Variants in RPS27L observed in about 807,000 individuals in gnomAD.
RPS27L encodes ribosomal protein eS27-like.
In RPS27L, 10 loss-of-function variants were observed where a neutral mutation model predicts 12.8. The observed-to-expected ratio is 0.78, with a 90% CI of 0.48 to 1.33. RPS27L has a LOEUF of 1.33. Ranked by LOEUF, RPS27L falls within the 40% of genes most tolerant of loss-of-function variation. The pLI is 0.00. For missense variants in RPS27L, 81 were observed against 97.4 expected (o/e 0.83, Z 0.71); for synonymous variants, 26 against 32.3 (o/e 0.81, Z 0.66).
chr15:63,152,911 G>A lies in RPS27L; in HGVS notation c.*1121C>T, dbSNP rs2037309564. ...AGTTGCTCACATTAGAGGCCTACCT[G>A]TTGATAGGAAATGCCTGTTTTAAAT... On this transcript the variant is annotated 3_prime_UTR_variant, in exon 4 of 4. Transcript: ENST00000330964. The A allele has an allele frequency of 6.6e-6, 1 of 152,182 alleles. No individual in the cohort carries two copies. The highest frequency in any genetic ancestry group is 2.1e-4 in the South Asian group (1 of 4,834). The allele number at this position is 152,182 out of a possible 1,614,324, so 9.4% of individuals were successfully genotyped here.
chr15:63,155,101 AC>A (rs1334670439), intron 3 of RPS27L: 1 of 152,112 alleles, frequency 6.6e-6, no homozygotes, highest in Non-Finnish European at 1.5e-5. Flanking sequence ...ATCCTGGCTA[AC>A]ACAGTGAAAC....
chr15:63,155,976 T>C (rs1003065590), intron 2 of RPS27L, among the ~76,000 whole-genome samples: 1 of 152,238 alleles, frequency 6.6e-6, no homozygotes, highest in Non-Finnish European at 1.5e-5. Flanking sequence ...GTATTTTTTT[T>C]CTGTGCTACA....
chr15:63,155,003 G>T (rs1173121294), intron 3 of RPS27L: 1 of 151,954 alleles, frequency 6.6e-6, no homozygotes, highest in Non-Finnish European at 1.5e-5. Flanking sequence ...AAATCTGTAT[G>T]TCCTGGCCGG....
intron 3 of RPS27L, 106 bp from the exon 4 acceptor site, chr15:63,154,166 T>C (rs2037317927): frequency 1.1e-6 from 1 of 878,046 alleles, no homozygotes; most frequent in African/African-American, 1.7e-5. Context: ...TTAAGAATAT[T>C]GGATTAATAC....
chr15:63,156,378 T>A, intron 2 of RPS27L, 35 bp downstream of exon 2: 2 of 1,185,572 alleles, frequency 1.7e-6, no homozygotes, highest in Non-Finnish European at 2.5e-6. Flanking sequence ...TACAGAAATT[T>A]TCTTTAGTAA....
chr15:63,154,350 G>A, intron 3 of RPS27L: 1 of 340,964 alleles, frequency 2.9e-6, no homozygotes, highest in Non-Finnish European at 5.3e-6. Flanking sequence ...CAAGCAAGCT[G>A]TCAGAAGATA....
chr15:63,156,840 A>C, intron 1 of RPS27L: 1 of 522,508 alleles, frequency 1.9e-6, no homozygotes, highest in Admixed American at 3.9e-5. Context: ...TGCTAAGCAA[A>C]GAAAGTGACC....
In RPS27L at chr15:63,152,729, A is replaced by C. The variant is rs2037308477; in HGVS notation, c.*1303T>G. On this transcript the variant is annotated 3_prime_UTR_variant, in exon 4 of 4. Coordinates refer to ENST00000330964, the MANE Select transcript of RPS27L (RefSeq NM_015920.4). ...AGGCTGGTCTTGAACTCCCGACCTC[A>C]GGTGATCCACCTGCCTCAGGCTCCC... 1 of 152,150 alleles carries C rather than the reference A, an allele frequency of 6.6e-6. No individual in the cohort carries two copies. The highest frequency in any genetic ancestry group is 1.5e-5 in the Non-Finnish European group (1 of 68,082). 9.4% of individuals were successfully genotyped at this position (152,150 alleles called of 1,614,324 possible). A position where few individuals can be genotyped will look rare whatever the true frequency, so the allele number is the denominator to read the frequency against.
Position 63,153,760 on chromosome 15 carries a change from T to G in RPS27L, c.*272A>C. The G allele has an allele frequency of 6.1e-6, 2 of 330,238 alleles. No homozygotes were observed. Among genetic ancestry groups the G allele is most frequent in the Admixed American group, 9.5e-5 (2 of 20,982 alleles). 20.5% of individuals were successfully genotyped at this position (330,238 alleles called of 1,614,324 possible). A position where few individuals can be genotyped will look rare whatever the true frequency, so the allele number is the denominator to read the frequency against. On this transcript the variant is annotated 3_prime_UTR_variant, in exon 4 of 4. Coordinates refer to ENST00000330964, the MANE Select transcript of RPS27L (RefSeq NM_015920.4). The stretch of plus-strand genomic sequence containing the variant: ...AAAAAAAGACACAAACTAATCAGAA[T>G]AAATTTTAAAATGTTTAAACCAAAT...
chr15:63,155,397 G>A (rs908847161), intron 3 of RPS27L: 27 of 401,084 alleles, frequency 6.7e-5, no homozygotes, highest in Non-Finnish European at 1.2e-4. Context: ...AGCAAACTAA[G>A]TGAATAAATG....
rs2037303883 is a variant in RPS27L, at chr15:63,152,174, G to C, written c.*1858C>G. On this transcript the variant is annotated 3_prime_UTR_variant, in exon 4 of 4. Coordinates refer to ENST00000330964, the MANE Select transcript of RPS27L (RefSeq NM_015920.4). ...CGTGCCTGAAGTCTCCGCTACTCAG[G>C]AGGCAGAGGTGGGAGGCTTGCTTGA... The C allele has an allele frequency of 6.6e-6, 1 of 152,230 alleles. No homozygotes were observed. The highest frequency in any genetic ancestry group is 2.4e-5 in the African/African-American group (1 of 41,446). 9.4% of individuals were successfully genotyped at this position (152,230 alleles called of 1,614,324 possible). A position where few individuals can be genotyped will look rare whatever the true frequency, so the allele number is the denominator to read the frequency against.
chr15:63,155,458 G>GT, intron 3 of RPS27L, 163 bp downstream of exon 3: 1 of 491,354 alleles, frequency 2.0e-6, no homozygotes, highest in Non-Finnish European at 3.7e-6. Context: ...AAGGTCAAGA[G>GT]TATAAATATA....
rs1297270396 is a variant in RPS27L at position 63,149,566 on chromosome 15, C to CAAAAA, written c.*4461_*4465dup. ...TGGGCGACGGAGCAAGACTCCGTCT[C>CAAAAA]AAAAAAAAAAAAAAAAAAGAAAGAA... On this transcript the variant is annotated 3_prime_UTR_variant, in exon 4 of 4. Coordinates refer to ENST00000330964, the MANE Select transcript of RPS27L (RefSeq NM_015920.4). 1 of 33,230 alleles carries CAAAAA rather than the reference C, an allele frequency of 3.0e-5. No homozygotes were observed. 2.1% of individuals were successfully genotyped at this position (33,230 alleles called of 1,614,324 possible).
chr15:63,154,856 A>C (rs948411325), intron 3 of RPS27L: 1 of 152,114 alleles, frequency 6.6e-6, no homozygotes, highest in African/African-American at 2.4e-5. Context: ...CATAAAAGTA[A>C]AATCTCTGGC....
Position 63,148,514 on chromosome 15 carries a change from G to A in RPS27L, c.*5518C>T, listed in dbSNP as rs2037278918. On this transcript the variant is annotated 3_prime_UTR_variant, in exon 4 of 4. Transcript: ENST00000330964. ...TTTCATAGACACAAAACACTGAGCAGGGCTGAAGCTGAGGGTCTGCCGGGC... is the reference window on the plus strand; with the variant it reads ...TTTCATAGACACAAAACACTGAGCAAGGCTGAAGCTGAGGGTCTGCCGGGC... 1 of 152,212 alleles carries A rather than the reference G, an allele frequency of 6.6e-6. No homozygotes were observed. Among genetic ancestry groups the A allele is most frequent in the Non-Finnish European group, 1.5e-5 (1 of 68,038 alleles). 9.4% of individuals were successfully genotyped at this position (152,212 alleles called of 1,614,324 possible).
At position 63,156,961 on chromosome 15, in the gene RPS27L, CT is replaced by C. The variant is rs1485122763; in HGVS notation, c.6+438del. On this transcript the variant is annotated intron_variant, in intron 1 of 3. Coordinates refer to ENST00000330964, the MANE Select transcript of RPS27L (RefSeq NM_015920.4). ...ACAGCTGATCTGACAGGAATTCTTGCTGAGCGACCGTCCTTGACGGAATTAA... is the reference window on the plus strand; with the variant it reads ...ACAGCTGATCTGACAGGAATTCTTGCGAGCGACCGTCCTTGACGGAATTAA... 43 of 351,410 alleles carry C rather than the reference CT, an allele frequency of 1.2e-4. No individual in the cohort carries two copies. In the Admixed American group the frequency reaches 1.9e-3, roughly 15 times the overall value. The allele number at this position is 351,410 out of a possible 1,614,324, so 21.8% of individuals were successfully genotyped here. A position where few individuals can be genotyped will look rare whatever the true frequency, so the allele number is the denominator to read the frequency against.
In RPS27L at chr15:63,153,024, T is replaced by C. The variant is rs1410367247; in HGVS notation, c.*1008A>G. 6.6e-6 allele frequency: 1 copy of C among 152,204 alleles called. No individual in the cohort carries two copies. The highest frequency in any genetic ancestry group is 1.5e-5 in the Non-Finnish European group (1 of 68,052). The allele number at this position is 152,204 out of a possible 1,614,324, so 9.4% of individuals were successfully genotyped here. A position where few individuals can be genotyped will look rare whatever the true frequency, so the allele number is the denominator to read the frequency against. On this transcript the variant is annotated 3_prime_UTR_variant, in exon 4 of 4. Coordinates refer to ENST00000330964, the MANE Select transcript of RPS27L (RefSeq NM_015920.4). ...AATGAGGAGTTGTATAGTGAGTGGA[T>C]ACACTCCCCGTCTCAGCTCCCCAGG...
chr15:63,149,865 G>C lies in RPS27L; in HGVS notation c.*4167C>G, dbSNP rs1397641839. 2 of 152,116 alleles carry C rather than the reference G, an allele frequency of 1.3e-5. No individual in the cohort carries two copies. The highest frequency in any genetic ancestry group is 4.8e-5 in the African/African-American group (2 of 41,366). The allele number at this position is 152,116 out of a possible 1,614,324, so 9.4% of individuals were successfully genotyped here. On this transcript the variant is annotated 3_prime_UTR_variant, in exon 4 of 4. Coordinates refer to ENST00000330964, the MANE Select transcript of RPS27L (RefSeq NM_015920.4). ...AGGTGGGCGGATGGCCTGAGGCAAG[G>C]AGTTCAAGACCAGCCTGGGCAACAT...
At chr15:63,155,334 A>G (rs1304364046) in intron 3 of RPS27L, 3 of 378,188 alleles carry the variant, frequency 7.9e-6, no homozygotes, top group African/African-American at 6.2e-5. Flanking sequence ...TGCATGTCCT[A>G]TAACATGTAG....
Sources: gnomAD v4.1 joint callset for allele counts (sites outside exome capture counted in the v4.1 genomes callset) on GRCh38, gnomAD v4.1.1 for gene constraint, MANE v1.5 for transcripts, NCBI Gene and HGNC (gene_info 2026-07-23, HGNC 2026-07-21) for gene names.